SMARCC1: variants seen among roughly 807,000 people sequenced by gnomAD.
SMARCC1 encodes SWI/SNF complex subunit SMARCC1.
In SMARCC1, 43 loss-of-function variants were observed where a neutral mutation model predicts 147.4. The ratio of observed to expected loss-of-function variants is 0.29; its 90% confidence interval spans 0.23 to 0.38. The LOEUF (loss-of-function observed/expected upper bound fraction) is 0.38. Ranked by LOEUF, SMARCC1 falls within the 10% of genes least tolerant of loss-of-function variation. The pLI is 1.00. For synonymous variants in SMARCC1, 495 were observed against 484.4 expected, an observed-to-expected ratio of 1.02 and a Z score of -0.29; for missense variants, 1,119 against 1,381.1, an observed-to-expected ratio of 0.81 and a Z score of 3.01.
chr3:47,597,037 C>T (rs1370624158), intron 26 of SMARCC1, among the ~76,000 whole-genome samples: 2 of 151,004 alleles, frequency 1.3e-5, no homozygotes, highest in Non-Finnish European at 2.9e-5. Flanking sequence ...ATTAGCCAGG[C>T]GTGGTGGCAC....
At chr3:47,642,932 C>T (rs567286337) in intron 21 of SMARCC1, among the ~76,000 whole-genome samples, 9 of 152,180 alleles carry the variant, frequency 5.9e-5, no homozygotes, top group African/African-American at 1.2e-4. Flanking sequence ...TGATGGTGCA[C>T]GCCTGTAGTC....
intron 21 of SMARCC1, among the ~76,000 whole-genome samples, chr3:47,655,493 T>TG (rs1036445245): frequency 2.0e-5 from 3 of 151,678 alleles, no homozygotes; most frequent in Non-Finnish European, 4.4e-5. Context: ...GGTAAGGAGT[T>TG]GGAGACCAGC....
chr3:47,730,526 AAC>A (rs2034360312), intron 5 of SMARCC1, among the ~76,000 whole-genome samples: 1 of 152,174 alleles, frequency 6.6e-6, no homozygotes, highest in Non-Finnish European at 1.5e-5. Flanking sequence ...AGTTTTAGAA[AAC>A]AGTGTACATA....
At chr3:47,687,861 T>G (rs2033744673) in intron 13 of SMARCC1, among the ~76,000 whole-genome samples, 1 of 152,152 alleles carries the variant, frequency 6.6e-6, no homozygotes, top group African/African-American at 2.4e-5. Flanking sequence ...ATTCCTAACC[T>G]CAAGCAATCC....
intron 25 of SMARCC1, among the ~76,000 whole-genome samples, chr3:47,616,295 C>T (rs1016868632): frequency 6.6e-6 from 1 of 152,140 alleles, no homozygotes; most frequent in African/African-American, 2.4e-5. Flanking sequence ...AGCTCAACAC[C>T]CTCCCCTGAA....
intron 26 of SMARCC1, among the ~76,000 whole-genome samples, chr3:47,600,519 G>A (rs993299883): frequency 3.3e-5 from 5 of 152,198 alleles, no homozygotes; most frequent in African/African-American, 1.2e-4. Context: ...AGGAAACTAA[G>A]CCTCAGAGAA....
chr3:47,635,876 T>G, intron 23 of SMARCC1, 146 bp downstream of exon 23: 1 of 571,050 alleles, frequency 1.8e-6, no homozygotes, highest in South Asian at 2.4e-5. Context: ...AGCACCTATC[T>G]GAATGAAACT....
intron 25 of SMARCC1, among the ~76,000 whole-genome samples, chr3:47,611,074 T>C (rs761524136): frequency 3.3e-5 from 5 of 152,236 alleles, no homozygotes; most frequent in Admixed American, 3.3e-4. Flanking sequence ...AATACAGTAT[T>C]ATATGTTTAG....
At position 47,610,227 on chromosome 3, in the gene SMARCC1, T is replaced by C. The variant is rs1343710090; in HGVS notation, c.2882A>G (p.Gln961Arg). The change falls in exon 26 of 28, where the codon CAG becomes CGG. Residue 961 changes from glutamine (Q) to arginine (R), a missense_variant. Gln to Arg is a conservative substitution (Grantham distance 43, BLOSUM62 1). Around this residue, in one of 6 missense-constraint regions of SMARCC1, gnomAD observed 186 missense variants for 216.5 expected, o/e 0.86. Transcript: ENST00000254480. ...ELRARQQMEQ[Q>R]QHGQNPQQAH... is the part of the protein sequence containing the mutation. ...CTGTTGAGGGTTCTGGCCATGCTGC[T>C]GCTGTTCCATTTGCTGTCGTGCTCG... is the stretch of plus-strand genomic sequence containing the variant. 1.9e-6 allele frequency: 3 copies of C among 1,614,130 alleles called. No individual in the cohort carries two copies. The highest frequency in any genetic ancestry group is 2.5e-6 in the Non-Finnish European group (3 of 1,180,054).
At chr3:47,606,296 T>G (rs931493054) in intron 26 of SMARCC1, among the ~76,000 whole-genome samples, 5 of 152,334 alleles carry the variant, frequency 3.3e-5, no homozygotes, top group South Asian at 4.1e-4. Context: ...TAAATCCCCT[T>G]AGTCTTCCGT....
At chr3:47,741,623 C>T (rs1479127033) in intron 3 of SMARCC1, among the ~76,000 whole-genome samples, 3 of 151,850 alleles carry the variant, frequency 2.0e-5, no homozygotes, top group Admixed American at 6.6e-5. Context: ...TTACGATACA[C>T]TTCCATTTAA....
chr3:47,710,785 G>T lies in SMARCC1; in HGVS notation c.816C>A (p.Asp272Glu). The change falls in exon 9 of 28, where the codon GAC becomes GAA. Residue 272 changes from aspartate to glutamate, a missense_variant. By Grantham distance (45) the Asp-to-Glu change is conservative. Around this residue, in one of 6 missense-constraint regions of SMARCC1, gnomAD observed 542 missense variants for 611.8 expected, o/e 0.89. Transcript: ENST00000254480. ...TCATCCATTCATTGAAAATATCAGT[G>T]TCCAAAATCCATTTCACATGAACCT... ...PWKVHVKWILDTDIFNEWMNE... is the reference protein window; with the variant it reads ...PWKVHVKWILETDIFNEWMNE... The T allele has an allele frequency of 6.2e-7, 1 of 1,610,900 alleles. No homozygotes were observed. The highest frequency in any genetic ancestry group is 8.5e-7 in the Non-Finnish European group (1 of 1,178,464).
intron 2 of SMARCC1, among the ~76,000 whole-genome samples, chr3:47,758,541 A>G (rs55823596): frequency 0.26 from 39,577 of 151,914 alleles, 5,737 homozygotes; most frequent in South Asian, 0.42. Flanking sequence ...AAAAAAATCA[A>G]AATTAAAGTT....
intron 21 of SMARCC1, among the ~76,000 whole-genome samples, chr3:47,645,995 G>C (rs2033116388): frequency 6.6e-6 from 1 of 152,060 alleles, no homozygotes; most frequent in Admixed American, 6.6e-5. Flanking sequence ...CTCAGACCTG[G>C]CTCGGACTTT....
Position 47,661,385 on chromosome 3 carries a change from T to C in SMARCC1, c.2229A>G (p.Glu743=). ...CCACTTTCCCAGAGGCTCGTGCTGC[T>C]TCTTGTACTTTCTTGACATGAGCTT... ...LVEAHVKKVQ[E]AARASGKVDP... The change falls in exon 21 of 28, where the codon GAA becomes GAG. Residue 743 remains glutamate, a synonymous_variant. Coordinates refer to ENST00000254480, the MANE Select transcript of SMARCC1 (RefSeq NM_003074.4). The C allele has an allele frequency of 1.2e-6, 2 of 1,613,928 alleles. No individual in the cohort carries two copies. The highest frequency in any genetic ancestry group is 1.7e-6 in the Non-Finnish European group (2 of 1,179,922).
chr3:47,714,751 A>G (rs2034134876), intron 7 of SMARCC1, among the ~76,000 whole-genome samples: 1 of 152,114 alleles, frequency 6.6e-6, no homozygotes, highest in South Asian at 2.1e-4. Flanking sequence ...CTGAGATCAC[A>G]CCACTGCACT....
Position 47,680,525 on chromosome 3 carries a change from A to T in SMARCC1, c.1386-17T>A, listed in dbSNP as rs2033629805. On this transcript the variant is annotated splice_polypyrimidine_tract_variant and intron_variant, in intron 14 of 27. Transcript: ENST00000254480. ...ACATGAATACTGAAAAGAAGAAGAA[A>T]AAAAGATTTAGGAGTGTTCTTTTTT... The T allele has an allele frequency of 6.5e-7, 1 of 1,536,012 alleles. No individual in the cohort carries two copies. The highest frequency in any genetic ancestry group is 1.9e-5 in the Admixed American group (1 of 52,214).
Position 47,686,125 on chromosome 3 carries a change from G to A in SMARCC1, c.1309C>T (p.Leu437Phe). The stretch of plus-strand genomic sequence containing the variant: ...TGCTCTGTCACATTATCTTCCCCAA[G>A]GTCAACTGATCGACTCTGATCACCT... ...AKGDQSRSVD[L>F]GEDNVTEQTN... Residue 437 changes from leucine to phenylalanine, a missense_variant, in exon 14 of 28, where the codon CTT (leucine) becomes TTT (phenylalanine). Coordinates refer to ENST00000254480, the MANE Select transcript of SMARCC1 (RefSeq NM_003074.4). The A allele has an allele frequency of 3.7e-6, 6 of 1,611,518 alleles. No individual in the cohort carries two copies. The highest frequency in any genetic ancestry group is 5.1e-6 in the Non-Finnish European group (6 of 1,177,848).
intron 26 of SMARCC1, chr3:47,604,813 C>A (rs2032445332): frequency 6.7e-6 from 1 of 148,578 alleles, no homozygotes; most frequent in South Asian, 2.1e-4. Flanking sequence ...ATTCCCGTGC[C>A]TCGGCCTCCT....
Sources: allele counts gnomAD v4.1 joint callset (sites outside exome capture counted in the v4.1 genomes callset), GRCh38; gene constraint gnomAD v4.1.1; regional missense constraint gnomAD v4.1.1; transcripts MANE v1.5; gene names NCBI Gene and HGNC (gene_info 2026-07-23, HGNC 2026-07-21).